Variants in PHF24 observed in about 807,000 individuals in gnomAD.
PHF24 encodes PHD finger protein 24, also known as Galpha inhibitory interacting protein.
PHF24 carries 25 observed loss-of-function variants against 42.6 expected under a neutral mutation model. The observed-to-expected ratio is 0.59, with a 90% CI of 0.43 to 0.82. PHF24 has a LOEUF of 0.82. PHF24 is among the 40% of genes least tolerant of loss of function. The pLI is 0.00. For synonymous variants in PHF24, 185 were observed against 204.8 expected (o/e 0.90, Z 0.83); for missense variants, 470 against 538.1 (o/e 0.87, Z 1.25).
chr9:34,734,232 C>A, the PHF24 span, among the ~76,000 whole-genome samples: 1 of 152,200 alleles, frequency 6.6e-6, no homozygotes, highest in Non-Finnish European at 1.5e-5. Context: ...CCCCCACTTC[C>A]CTCCCATCAA....
chr9:34,976,836 A>C, intron 5 of PHF24, 96 bp downstream of exon 5: 1 of 1,097,398 alleles, frequency 9.1e-7, no homozygotes, highest in East Asian at 2.5e-5. Flanking sequence ...GTCCTGCTCA[A>C]GCAGGGACAA....
chr9:34,804,522 A>T, the PHF24 span, among the ~76,000 whole-genome samples: 1 of 152,144 alleles, frequency 6.6e-6, no homozygotes, highest in East Asian at 1.9e-4. Context: ...TTAAATATTT[A>T]CTTTATCCCA....
chr9:34,954,584 C>A (rs1216860200), upstream of PHF24, among the ~76,000 whole-genome samples: 1 of 152,202 alleles, frequency 6.6e-6, no homozygotes, highest in Non-Finnish European at 1.5e-5. Context: ...TGGTGGCATT[C>A]TGATTTCCCC....
the PHF24 span, among the ~76,000 whole-genome samples, chr9:34,721,436 T>C: frequency 1.3e-5 from 2 of 150,794 alleles, no homozygotes; most frequent in African/African-American, 4.9e-5. Flanking sequence ...TCTCTCTCGA[T>C]GGAGTTTTGC....
At chr9:34,923,987 A>AT in the PHF24 span, among the ~76,000 whole-genome samples, 1 of 151,806 alleles carries the variant, frequency 6.6e-6, no homozygotes, top group African/African-American at 2.4e-5. Context: ...TATCCCATAG[A>AT]TTTTGGTATG....
chr9:34,758,495 A>AC, the PHF24 span, among the ~76,000 whole-genome samples: 1 of 151,952 alleles, frequency 6.6e-6, no homozygotes, highest in African/African-American at 2.4e-5. This position sits in a 1 kb window ranked among gnomAD's most constrained non-coding sequence, Gnocchi z 4.4. Context: ...GCTGTGCAGG[A>AC]CCCAAGTCAC....
chr9:34,775,598 T>C, the PHF24 span, among the ~76,000 whole-genome samples: 1 of 152,204 alleles, frequency 6.6e-6, no homozygotes, highest in African/African-American at 2.4e-5. Context: ...GTGAGGTACA[T>C]GGAAACTGTA....
chr9:34,875,942 A>ACTCTCTCTCTCT, the PHF24 span, among the ~76,000 whole-genome samples: 7 of 86,884 alleles, frequency 8.1e-5, no homozygotes, highest in African/African-American at 3.6e-4. Context: ...ACACACACAC[A>ACTCTCTCTCTCT]CACACACACT....
chr9:34,707,200 G>A, the PHF24 span, among the ~76,000 whole-genome samples: 1 of 152,184 alleles, frequency 6.6e-6, no homozygotes, highest in Non-Finnish European at 1.5e-5. Context: ...TCCAAGCCCA[G>A]AGGCTGTCAT....
At chr9:34,772,843 G>C in the PHF24 span, among the ~76,000 whole-genome samples, 1 of 152,052 alleles carries the variant, frequency 6.6e-6, no homozygotes, top group Admixed American at 6.5e-5. Flanking sequence ...GATACATATG[G>C]TTACAAATAG....
chr9:34,804,167 A>G, the PHF24 span, among the ~76,000 whole-genome samples: 4 of 152,208 alleles, frequency 2.6e-5, no homozygotes, highest in Non-Finnish European at 5.9e-5. Flanking sequence ...TTATGTGAAT[A>G]ATAAATTCCT....
At chr9:34,780,295 T>C in the PHF24 span, among the ~76,000 whole-genome samples, 9 of 89,376 alleles carry the variant, frequency 1.0e-4, 1 homozygote, top group East Asian at 6.0e-4. Context: ...TTTTTCTTTT[T>C]TTCTTTTTTT....
At chr9:34,898,579 T>TCAAA in the PHF24 span, among the ~76,000 whole-genome samples, 1 of 152,216 alleles carries the variant, frequency 6.6e-6, no homozygotes, top group African/African-American at 2.4e-5. Flanking sequence ...GAAGACTTTT[T>TCAAA]CAAACAAAGA....
chr9:34,808,467 C>CA, the PHF24 span, among the ~76,000 whole-genome samples: 7 of 151,832 alleles, frequency 4.6e-5, no homozygotes, highest in African/African-American at 7.3e-5. Context: ...ATCCCCCCGC[C>CA]AAAAAAATAG....
the PHF24 span, among the ~76,000 whole-genome samples, chr9:34,886,546 C>CT: frequency 6.6e-6 from 1 of 152,276 alleles, no homozygotes; most frequent in South Asian, 2.1e-4. Flanking sequence ...ACTTTCCTTT[C>CT]TTGGCTTCCA....
At chr9:34,709,498 A>C in the PHF24 span, 7 of 1,613,508 alleles carry the variant, frequency 4.3e-6, no homozygotes, top group Non-Finnish European at 5.9e-6. Flanking sequence ...CAGATTCCTC[A>C]CCTCTTGCAG....
chr9:34,952,286 T>C, the PHF24 span, among the ~76,000 whole-genome samples: 209 of 152,256 alleles, frequency 1.4e-3, no homozygotes, highest in South Asian at 0.017. Context: ...ATTTGGACAA[T>C]TGGAAATTGA....
At chr9:34,709,926 G>A in the PHF24 span, 1 of 1,614,120 alleles carries the variant, frequency 6.2e-7, no homozygotes, top group Non-Finnish European at 8.5e-7. Flanking sequence ...AGGGAGCCAG[G>A]GGCTGCTGGC....
At chr9:34,739,853 G>A in the PHF24 span, among the ~76,000 whole-genome samples, 1 of 152,142 alleles carries the variant, frequency 6.6e-6, no homozygotes, top group Non-Finnish European at 1.5e-5. Context: ...CTGATTGGTA[G>A]AGCCAAGTGG....
Sources: gnomAD v4.1 joint callset for allele counts (sites outside exome capture counted in the v4.1 genomes callset) on GRCh38, gnomAD v4.1.1 for gene constraint, Gnocchi (gnomAD v3.1) non-coding constraint, MANE v1.5 for transcripts, NCBI Gene and HGNC (gene_info 2026-07-23, HGNC 2026-07-21) for gene names.